The following SMARCAL1 variants were observed in gnomAD, a reference collection of about 807,000 sequenced individuals.
SMARCAL1 encodes the protein ATP-driven annealing helicase.
Under a neutral mutation model 94.5 loss-of-function variants are expected in SMARCAL1, and 58 were observed. That is an observed-to-expected ratio of 0.61 (90% CI 0.50 to 0.76). SMARCAL1 has a LOEUF of 0.76. Among genes scored for constraint, SMARCAL1 ranks in the 30% least tolerant of loss-of-function variants. The pLI is 0.00. For missense variants in SMARCAL1, 1,051 were observed against 1,177.9 expected (o/e 0.89, Z 1.58); for synonymous variants, 422 against 455.1 (o/e 0.93, Z 0.93).
At chr2:216,460,487 C>G (rs1433472674) in intron 12 of SMARCAL1, among the ~76,000 whole-genome samples, 1 of 152,064 alleles carries the variant, frequency 6.6e-6, no homozygotes, top group Non-Finnish European at 1.5e-5. Context: ...ACATATACAC[C>G]ATGGAATACT....
intron 11 of SMARCAL1, among the ~76,000 whole-genome samples, chr2:216,449,517 T>G (rs939594749): frequency 1.3e-5 from 2 of 152,220 alleles, no homozygotes; most frequent in African/African-American, 4.8e-5. Context: ...TCCAGTTGAT[T>G]TCAGAGTATT....
At chr2:216,441,618 T>A (rs1469680980) in intron 10 of SMARCAL1, among the ~76,000 whole-genome samples, 1 of 152,240 alleles carries the variant, frequency 6.6e-6, no homozygotes, top group Admixed American at 6.5e-5. Context: ...CTATTATAAA[T>A]AATTCTGCAA....
chr2:216,464,789 A>G (rs1574477285), intron 13 of SMARCAL1, 122 bp downstream of exon 13: 1 of 777,780 alleles, frequency 1.3e-6, no homozygotes, highest in African/African-American at 1.7e-5. Flanking sequence ...AGATTATTAA[A>G]TGTGCCTTTT....
At chr2:216,430,070 G>T (rs1402351659) in intron 7 of SMARCAL1, among the ~76,000 whole-genome samples, 1 of 152,132 alleles carries the variant, frequency 6.6e-6, no homozygotes, top group Non-Finnish European at 1.5e-5. Flanking sequence ...AGCCATCCTT[G>T]GGCCCACGTG....
In SMARCAL1 at chr2:216,482,946, A is replaced by G. The variant is rs1163886519; in HGVS notation, c.2834A>G (p.Asp945Gly). The change falls in exon 18 of 18, where the codon GAT becomes GGT. Residue 945 changes from aspartate (D) to glycine (G), a missense_variant. Asp to Gly is a moderately conservative substitution (Grantham distance 94). Coordinates refer to ENST00000357276, the MANE Select transcript of SMARCAL1 (RefSeq NM_014140.4). This position sits in a 1 kb window ranked among gnomAD's most constrained non-coding sequence, Gnocchi z 4.3. Reference protein sequence around the residue: ...PQKKRRFEFFDNWDSFTSPL With the variant: ...PQKKRRFEFFGNWDSFTSPL ...AAGAAAAGGAGATTTGAATTTTTTGATAACTGGGACAGCTTTACGTCTCCC... is the reference window on the plus strand; with the variant it reads ...AAGAAAAGGAGATTTGAATTTTTTGGTAACTGGGACAGCTTTACGTCTCCC... 5.6e-6 allele frequency: 9 copies of G among 1,614,092 alleles called. No individual in the cohort carries two copies. The highest frequency in any genetic ancestry group is 7.6e-6 in the Non-Finnish European group (9 of 1,180,024).
At chr2:216,422,659 C>G (rs752789763) in intron 5 of SMARCAL1, among the ~76,000 whole-genome samples, 4 of 152,226 alleles carry the variant, frequency 2.6e-5, no homozygotes, top group African/African-American at 7.2e-5. Flanking sequence ...CAGGTTGTAC[C>G]TGGACGACCT....
chr2:216,426,595 A>G (rs1693838908), intron 6 of SMARCAL1, among the ~76,000 whole-genome samples: 1 of 147,800 alleles, frequency 6.8e-6, no homozygotes, highest in African/African-American at 2.5e-5. Context: ...GAAGGGAAAC[A>G]GTGGCTTTCC....
chr2:216,443,677 A>G (rs780384512), intron 10 of SMARCAL1, among the ~76,000 whole-genome samples: 5 of 152,246 alleles, frequency 3.3e-5, no homozygotes, highest in Non-Finnish European at 7.3e-5. Flanking sequence ...GCTAGAACCT[A>G]GAGGGAACCA....
At chr2:216,476,975 C>G in intron 15 of SMARCAL1, 134 bp from the exon 16 acceptor site, 1 of 735,988 alleles carries the variant, frequency 1.4e-6, no homozygotes, top group Non-Finnish European at 2.4e-6. Context: ...ATTTCTAGGT[C>G]TGAGACAGTG....
At chr2:216,440,709 G>C (rs1694181128) in intron 10 of SMARCAL1, among the ~76,000 whole-genome samples, 1 of 152,138 alleles carries the variant, frequency 6.6e-6, no homozygotes, top group South Asian at 2.1e-4. Context: ...TTTCATCTCT[G>C]TCTTATTGTA....
intron 4 of SMARCAL1, among the ~76,000 whole-genome samples, chr2:216,418,979 T>A (rs1400609121): frequency 7.9e-5 from 12 of 152,262 alleles, no homozygotes; most frequent in Admixed American, 7.2e-4. Context: ...GTCTTATGAA[T>A]GTGTCATACA....
At chr2:216,420,579 T>C (rs746066675) in intron 5 of SMARCAL1, 47 bp downstream of exon 5, 1 of 1,456,556 alleles carries the variant, frequency 6.9e-7, no homozygotes, top group East Asian at 2.3e-5. Flanking sequence ...TAGTGGTCTG[T>C]GATCTCAACA....
intron 7 of SMARCAL1, among the ~76,000 whole-genome samples, chr2:216,429,023 A>G (rs1195025097): frequency 6.6e-6 from 1 of 152,222 alleles, no homozygotes; most frequent in Non-Finnish European, 1.5e-5. Flanking sequence ...ACCCAATTCA[A>G]ATTAGCTTAA....
chr2:216,444,749 T>G (rs912728575), intron 10 of SMARCAL1, among the ~76,000 whole-genome samples: 2 of 152,216 alleles, frequency 1.3e-5, no homozygotes, highest in Admixed American at 6.5e-5. Flanking sequence ...ACTCCTGACC[T>G]CAGGTGATCC....
At chr2:216,459,359 A>G in intron 12 of SMARCAL1, among the ~76,000 whole-genome samples, 1 of 152,226 alleles carries the variant, frequency 6.6e-6, no homozygotes, top group Non-Finnish European at 1.5e-5. Context: ...GGAACCAAAA[A>G]AGAGCCCACA....
Position 216,435,322 on chromosome 2 carries a change from C to T in SMARCAL1, c.1486-16C>T. 6.2e-7 allele frequency: 1 copy of T among 1,613,982 alleles called. No homozygotes were observed. The highest frequency in any genetic ancestry group is 1.3e-5 in the African/African-American group (1 of 75,032). ...TGGGTGGTCATTGTAGCTTTGTTCC[C>T]TCCTGTCATCCACAGGCCTTCCTTC... On this transcript the variant is annotated splice_polypyrimidine_tract_variant and intron_variant, in intron 8 of 17. Coordinates refer to ENST00000357276, the MANE Select transcript of SMARCAL1 (RefSeq NM_014140.4).
At chr2:216,474,838 A>T (rs1695037200) in intron 14 of SMARCAL1, among the ~76,000 whole-genome samples, 2 of 152,172 alleles carry the variant, frequency 1.3e-5, no homozygotes, top group Non-Finnish European at 2.9e-5. Flanking sequence ...TGGAAAGAGG[A>T]GGGAGGTAAA....
chr2:216,480,239 G>A (rs1695167044), intron 17 of SMARCAL1, among the ~76,000 whole-genome samples: 1 of 151,894 alleles, frequency 6.6e-6, no homozygotes, highest in South Asian at 2.1e-4. Context: ...ATTAAGATGG[G>A]GCTGAAAATT....
At chr2:216,446,819 T>C in intron 10 of SMARCAL1, 199 bp from the exon 11 acceptor site, 1 of 687,088 alleles carries the variant, frequency 1.5e-6, no homozygotes, top group Admixed American at 2.0e-5. Context: ...AGGATAGAGC[T>C]CAGCAGAGGG....
Sources: gnomAD v4.1 joint callset for allele counts (sites outside exome capture counted in the v4.1 genomes callset) on GRCh38, gnomAD v4.1.1 for gene constraint, Gnocchi (gnomAD v3.1) non-coding constraint, MANE v1.5 for transcripts, NCBI Gene and HGNC (gene_info 2026-07-23, HGNC 2026-07-21) for gene names.